The following STON2 variants were observed in gnomAD, a reference collection of about 807,000 sequenced individuals.
The protein encoded by STON2 is stonin-2.
Under a neutral mutation model 65.7 loss-of-function variants are expected in STON2, and 29 were observed. That is an observed-to-expected ratio of 0.44 (90% CI 0.33 to 0.60). STON2 has a LOEUF of 0.60. STON2 is among the 20% of genes least tolerant of loss of function. The probability of loss-of-function intolerance (pLI) is 0.03; values close to 1 mark genes in which losing one functional copy is unlikely to be tolerated. For missense variants in STON2, 1,054 were observed against 1,118.1 expected, an observed-to-expected ratio of 0.94 and a Z score of 0.82; for synonymous variants, 404 against 414.2, an observed-to-expected ratio of 0.98 and a Z score of 0.30.
In STON2 at chr14:81,265,289, A is replaced by C. The variant is rs1032808032; in HGVS notation, c.*3125T>G. On this transcript the variant is annotated 3_prime_UTR_variant, in exon 8 of 8. Transcript: ENST00000614646. ...CCCCAAACCCCTAAATGCTACCCATAATCAGTTTCCTAAAAACAGTAGAGG... is the reference window on the plus strand; with the variant it reads ...CCCCAAACCCCTAAATGCTACCCATCATCAGTTTCCTAAAAACAGTAGAGG... 3 of 983,966 alleles carry C rather than the reference A, an allele frequency of 3.0e-6. No individual in the cohort carries two copies. The African/African-American group carries it at 5.2e-5, about 17-fold the overall frequency. 61.0% of individuals were successfully genotyped at this position (983,966 alleles called of 1,614,324 possible). A position where few individuals can be genotyped will look rare whatever the true frequency, so the allele number is the denominator to read the frequency against.
chr14:81,337,080 A>G (rs541227335), intron 4 of STON2, among the ~76,000 whole-genome samples: 36 of 152,310 alleles, frequency 2.4e-4, no homozygotes, highest in African/African-American at 7.9e-4. Flanking sequence ...AATGTATACG[A>G]AAGTGTCTGG....
intron 4 of STON2, among the ~76,000 whole-genome samples, chr14:81,346,286 G>A (rs187816925): frequency 1.3e-5 from 2 of 152,236 alleles, no homozygotes; most frequent in Admixed American, 6.5e-5. Context: ...TGAGGTGGGT[G>A]CAAATGGATC....
rs1190542236 is a variant in STON2 at position 81,268,375 on chromosome 14, C to A, written c.*39G>T. Reference sequence around the variant, plus strand: ...ATCATGACTCAGGAAGACACCCTATCATGACTCTGGGATCAGGATTCCTTG... The same window carrying A: ...ATCATGACTCAGGAAGACACCCTATAATGACTCTGGGATCAGGATTCCTTG... On this transcript the variant is annotated 3_prime_UTR_variant, in exon 8 of 8. Coordinates refer to ENST00000614646, the MANE Select transcript of STON2 (RefSeq NM_001394390.1). 6 of 1,288,662 alleles carry A rather than the reference C, an allele frequency of 4.7e-6. 1 individual carries two copies. The African/African-American group carries it at 9.1e-5, about 20-fold the overall frequency. 79.8% of individuals were successfully genotyped at this position (1,288,662 alleles called of 1,614,324 possible). A position where few individuals can be genotyped will look rare whatever the true frequency, so the allele number is the denominator to read the frequency against.
intron 3 of STON2, among the ~76,000 whole-genome samples, chr14:81,383,239 G>A (rs1427470053): frequency 1.3e-5 from 2 of 152,186 alleles, no homozygotes; most frequent in Non-Finnish European, 2.9e-5. Context: ...CTGTAGCCTG[G>A]AGCAAGTTGC....
chr14:81,431,057 G>A (rs970397595), intron 1 of STON2, among the ~76,000 whole-genome samples: 9 of 152,174 alleles, frequency 5.9e-5, no homozygotes, highest in African/African-American at 2.2e-4. Flanking sequence ...AGGCAGTACC[G>A]AGGCCACAGC....
At chr14:81,378,605 A>T (rs1452786904) in intron 3 of STON2, among the ~76,000 whole-genome samples, 1 of 152,174 alleles carries the variant, frequency 6.6e-6, no homozygotes, top group Non-Finnish European at 1.5e-5. Flanking sequence ...GTTTTTGCAA[A>T]GTAAAAGTTT....
At position 81,299,876 on chromosome 14, in the gene STON2, G is replaced by GA. The variant is rs201844263; in HGVS notation, c.743-21138dup. 2.7e-3 allele frequency among the ~76,000 whole-genome samples: 325 copies of GA among 118,604 alleles called. 4 individuals are homozygous for GA. Among genetic ancestry groups the GA allele is most frequent in the African/African-American group, 0.01 (277 of 27,478 alleles). 77.8% of individuals were successfully genotyped at this position (118,604 alleles called of 152,430 possible). A position where few individuals can be genotyped will look rare whatever the true frequency, so the allele number is the denominator to read the frequency against. ...TTGAAAACTCAAAATTGTTAAGATGGAAAAAAAATTTTTTTTTTTTTTAAA... is the reference window on the plus strand; with the variant it reads ...TTGAAAACTCAAAATTGTTAAGATGGAAAAAAAAATTTTTTTTTTTTTTAAA... On this transcript the variant is annotated intron_variant, in intron 5 of 7. Coordinates refer to ENST00000614646, the MANE Select transcript of STON2 (RefSeq NM_001394390.1).
rs1006253805 is a variant in STON2, at chr14:81,265,866, G to T, written c.*2548C>A. On this transcript the variant is annotated 3_prime_UTR_variant, in exon 8 of 8. Coordinates refer to ENST00000614646, the MANE Select transcript of STON2 (RefSeq NM_001394390.1). ...TCCACATGTTATGCTAGCAGATGAGGCAGAGATCTTGACAGAGTGCTAAGC... is the reference window on the plus strand; with the variant it reads ...TCCACATGTTATGCTAGCAGATGAGTCAGAGATCTTGACAGAGTGCTAAGC... 1.0e-4 allele frequency: 100 copies of T among 985,296 alleles called. No homozygotes were observed. The African/African-American group carries it at 1.7e-3, about 17-fold the overall frequency. 61.0% of individuals were successfully genotyped at this position (985,296 alleles called of 1,614,324 possible).
chr14:81,316,192 A>G (rs929610014), intron 5 of STON2, among the ~76,000 whole-genome samples: 1 of 152,210 alleles, frequency 6.6e-6, no homozygotes, highest in Admixed American at 6.5e-5. Context: ...TACAGTCACC[A>G]AGCAACAGAA....
chr14:81,365,048 T>G lies in STON2; in HGVS notation c.571+5940A>C, dbSNP rs542098927. ...ATCCCATGGAACACAGGCTATACAG[T>G]GGATCAAGGCCCCAAGTTCTGGGTT... On this transcript the variant is annotated intron_variant, in intron 4 of 7. Coordinates refer to ENST00000614646, the MANE Select transcript of STON2 (RefSeq NM_001394390.1). Among the ~76,000 whole-genome samples the G allele has an allele frequency of 7.9e-5, 12 of 152,260 alleles. No homozygotes were observed. In the East Asian group the frequency reaches 2.3e-3, roughly 29 times the overall value.
At chr14:81,289,844 G>C (rs1284005869) in intron 5 of STON2, among the ~76,000 whole-genome samples, 1 of 152,190 alleles carries the variant, frequency 6.6e-6, no homozygotes, top group Non-Finnish European at 1.5e-5. Flanking sequence ...GCCAGGGTTT[G>C]TGGGACAGAC....
chr14:81,411,435 ACTGGCTCACGC>A (rs1163795698), intron 2 of STON2, among the ~76,000 whole-genome samples: 1 of 152,230 alleles, frequency 6.6e-6, no homozygotes, highest in African/African-American at 2.4e-5. Flanking sequence ...GGCTGGGCGC[ACTGGCTCACGC>A]CTGTAATCCC....
At chr14:81,417,023 G>A (rs144696447) in intron 2 of STON2, among the ~76,000 whole-genome samples, 68 of 152,218 alleles carry the variant, frequency 4.5e-4, no homozygotes, top group Admixed American at 7.8e-4. Context: ...GGTAGATGAC[G>A]CAGAGGAAAA....
chr14:81,423,735 C>T (rs1408808430), intron 2 of STON2, among the ~76,000 whole-genome samples: 2 of 152,162 alleles, frequency 1.3e-5, no homozygotes, highest in Admixed American at 1.3e-4. Context: ...TGCACAGGGG[C>T]CCCTGGCTGA....
intron 4 of STON2, among the ~76,000 whole-genome samples, chr14:81,335,416 T>C (rs555279350): frequency 6.6e-6 from 1 of 152,314 alleles, no homozygotes; most frequent in East Asian, 1.9e-4. Context: ...TTCCTGTCAT[T>C]TCCATCTAAT....
intron 5 of STON2, among the ~76,000 whole-genome samples, chr14:81,302,817 A>G (rs925994259): frequency 5.9e-5 from 9 of 152,372 alleles, no homozygotes; most frequent in Admixed American, 5.2e-4. Flanking sequence ...CAAATGGGAT[A>G]ACGATGCCCT....
At chr14:81,398,202 A>T in intron 2 of STON2, 93 bp downstream of exon 2, 1 of 851,274 alleles carries the variant, frequency 1.2e-6, no homozygotes, top group Non-Finnish European at 1.8e-6. Flanking sequence ...CTATATTAAG[A>T]TCCCACCCAA....
At chr14:81,346,664 C>T (rs1897820899) in intron 4 of STON2, among the ~76,000 whole-genome samples, 2 of 152,186 alleles carry the variant, frequency 1.3e-5, no homozygotes, top group East Asian at 3.9e-4. Flanking sequence ...CCAGGATAGA[C>T]CCTATGTTAG....
chr14:81,433,217 A>T (rs1160318724), intron 1 of STON2, among the ~76,000 whole-genome samples: 1 of 152,210 alleles, frequency 6.6e-6, no homozygotes, highest in Admixed American at 6.5e-5. Flanking sequence ...GCGCCAACTA[A>T]ATCAGTTTCT....
Sources: allele counts gnomAD v4.1 joint callset (sites outside exome capture counted in the v4.1 genomes callset), GRCh38; gene constraint gnomAD v4.1.1; transcripts MANE v1.5; gene names NCBI Gene and HGNC (gene_info 2026-07-23, HGNC 2026-07-21).